Variants in FLVCR1 observed in about 807,000 individuals in gnomAD.
FLVCR1 encodes the protein FLVCR choline and heme transporter 1.
A neutral mutation model predicts 53.6 loss-of-function variants in FLVCR1; 34 were observed. The ratio of observed to expected loss-of-function variants is 0.63; its 90% CI spans 0.48 to 0.84. The LOEUF is 0.84. Ranked by LOEUF, FLVCR1 falls within the 40% of genes least tolerant of loss-of-function variation. The pLI is 0.00. For missense variants in FLVCR1, 677 were observed against 696.7 expected (o/e 0.97, Z 0.32); for synonymous variants, 300 against 286.3 (o/e 1.05, Z -0.48).
chr1:212,894,438 C>A (rs930198354), intron 8 of FLVCR1, among the ~76,000 whole-genome samples: 1 of 152,192 alleles, frequency 6.6e-6, no homozygotes, highest in Non-Finnish European at 1.5e-5. Context: ...CAGGCATGAC[C>A]CACCACGCCC....
At chr1:212,873,177 G>A (rs547007753) in intron 3 of FLVCR1, among the ~76,000 whole-genome samples, 2 of 152,006 alleles carry the variant, frequency 1.3e-5, no homozygotes, top group Non-Finnish European at 2.9e-5. Flanking sequence ...GCTGGGCATG[G>A]TGGCACACGC....
chr1:212,888,474 G>C lies in FLVCR1; in HGVS notation c.1308-15G>C. 1 of 1,572,238 alleles carries C rather than the reference G, an allele frequency of 6.4e-7. No individual in the cohort carries two copies. The highest frequency in any genetic ancestry group is 8.8e-7 in the Non-Finnish European group (1 of 1,142,424). On this transcript the variant is annotated splice_polypyrimidine_tract_variant and intron_variant, in intron 6 of 9. Coordinates refer to ENST00000366971, the MANE Select transcript of FLVCR1 (RefSeq NM_014053.4). ...TCTGGTAGTTCTTTCTGTAATTCTG[G>C]ATTTATTTTCCTAGCTTCTTCATGA...
chr1:212,868,903 C>T (rs1354116412), intron 2 of FLVCR1, among the ~76,000 whole-genome samples: 1 of 152,030 alleles, frequency 6.6e-6, no homozygotes, highest in Non-Finnish European at 1.5e-5. Flanking sequence ...TTGTTATTTA[C>T]ATTTTATCGA....
At chr1:212,894,695 G>A (rs1394525150) in intron 8 of FLVCR1, among the ~76,000 whole-genome samples, 1 of 152,036 alleles carries the variant, frequency 6.6e-6, no homozygotes, top group Non-Finnish European at 1.5e-5. Flanking sequence ...TGTTATACTT[G>A]TTTACATGTC....
In FLVCR1 at chr1:212,895,292, G is replaced by A. The variant is rs1665304280; in HGVS notation, c.*2G>A. On this transcript the variant is annotated 3_prime_UTR_variant, in exon 10 of 10. Transcript: ENST00000366971. ...AAGCAGTCAGAATCAGCAATTTGAA[G>A]AGAAAGGCAAAGTTACTGTCCTGTA... The A allele has an allele frequency of 1.5e-5, 24 of 1,610,922 alleles. No homozygotes were observed. The highest frequency in any genetic ancestry group is 2.0e-5 in the Non-Finnish European group (24 of 1,177,154).
intron 5 of FLVCR1, among the ~76,000 whole-genome samples, chr1:212,887,321 C>G (rs1301302210): frequency 6.6e-6 from 1 of 152,178 alleles, no homozygotes; most frequent in African/African-American, 2.4e-5. Context: ...ACTGTGGCTT[C>G]CTTCTCAGGG....
intron 2 of FLVCR1, chr1:212,864,602 C>T (rs1487524837): frequency 6.6e-6 from 1 of 152,246 alleles, no homozygotes; most frequent in Non-Finnish European, 1.5e-5. Flanking sequence ...AGTAATATAG[C>T]TGCTAGCATA....
At chr1:212,877,337 C>T (rs12136117) in intron 3 of FLVCR1, among the ~76,000 whole-genome samples, 66,546 of 151,380 alleles carry the variant, frequency 0.44, 15,663 homozygotes, top group East Asian at 0.54. Context: ...TACTCCCTCC[C>T]GAGTAGCTGG....
rs1664970128 is a variant in FLVCR1, at chr1:212,883,314, A to G, written c.1025-57A>G. ...AACTGGTAAATGACACACTTTTAGT[A>G]TTCTCTTTATTATTGTAGGTATCAT... On this transcript the variant is annotated intron_variant, in intron 3 of 9. Coordinates refer to ENST00000366971, the MANE Select transcript of FLVCR1 (RefSeq NM_014053.4). The G allele has an allele frequency of 4.3e-6, 4 of 932,074 alleles. No homozygotes were observed. In the East Asian group the frequency reaches 9.9e-5, roughly 23 times the overall value. The allele number at this position is 932,074 out of a possible 1,614,324, so 57.7% of individuals were successfully genotyped here.
intron 3 of FLVCR1, among the ~76,000 whole-genome samples, chr1:212,883,022 T>C (rs1304836709): frequency 1.3e-5 from 2 of 152,206 alleles, no homozygotes. Context: ...TAGTAGTACA[T>C]TGTAGGAATT....
intron 8 of FLVCR1, among the ~76,000 whole-genome samples, chr1:212,892,128 G>A (rs555690280): frequency 3.3e-5 from 5 of 152,364 alleles, no homozygotes; most frequent in Admixed American, 6.5e-5. Flanking sequence ...AAAAGTGCAA[G>A]GTGAAGCAGC....
intron 5 of FLVCR1, among the ~76,000 whole-genome samples, chr1:212,887,082 A>G (rs757947940): frequency 5.3e-5 from 8 of 152,230 alleles, no homozygotes; most frequent in Non-Finnish European, 1.2e-4. Flanking sequence ...TATATTTGAT[A>G]TTATTAGTCT....
chr1:212,870,329 C>T (rs1664560909), intron 2 of FLVCR1, among the ~76,000 whole-genome samples: 1 of 152,154 alleles, frequency 6.6e-6, no homozygotes, highest in Non-Finnish European at 1.5e-5. Context: ...TTTTTAGCAG[C>T]AAACAGGAAA....
At position 212,879,003 on chromosome 1, in the gene FLVCR1, C is replaced by T. The variant is rs536591496; in HGVS notation, c.1025-4368C>T. Among the ~76,000 whole-genome samples the T allele has an allele frequency of 2.0e-5, 3 of 151,658 alleles. No homozygotes were observed. In the East Asian group the frequency reaches 5.8e-4, roughly 29 times the overall value. On this transcript the variant is annotated intron_variant, in intron 3 of 9. Transcript: ENST00000366971. ...GATCCTGTCTCAAAAAAAAAAAGACCTAAATAATTTATTTTTTCTCCAGCC... is the reference window on the plus strand; with the variant it reads ...GATCCTGTCTCAAAAAAAAAAAGACTTAAATAATTTATTTTTTCTCCAGCC...
intron 3 of FLVCR1, among the ~76,000 whole-genome samples, chr1:212,874,029 C>T (rs1224839773): frequency 3.9e-5 from 6 of 152,024 alleles, no homozygotes; most frequent in Non-Finnish European, 7.4e-5. Context: ...TTTTTTAAGA[C>T]GGAGTTTTGC....
chr1:212,888,503 G>T lies in FLVCR1; in HGVS notation c.1322G>T (p.Gly441Val). ...TGGVLGFFMT[G>V]YLPLGFEFAV... Reference sequence around the variant, plus strand: ...TATTTTCCTAGCTTCTTCATGACTGGTTACCTCCCTTTGGGTTTTGAATTT... The same window carrying T: ...TATTTTCCTAGCTTCTTCATGACTGTTTACCTCCCTTTGGGTTTTGAATTT... The change falls in exon 7 of 10, where the codon GGT (glycine) becomes GTT (valine). Residue 441 changes from glycine (G) to valine (V), a missense_variant. Physicochemically the swap from Gly to Val is moderately radical, Grantham distance 109. Coordinates refer to ENST00000366971, the MANE Select transcript of FLVCR1 (RefSeq NM_014053.4). 1 of 1,612,726 alleles carries T rather than the reference G, an allele frequency of 6.2e-7. No individual in the cohort carries two copies. The highest frequency in any genetic ancestry group is 8.5e-7 in the Non-Finnish European group (1 of 1,178,926).
chr1:212,868,632 C>T (rs1664514497), intron 2 of FLVCR1, among the ~76,000 whole-genome samples: 1 of 151,568 alleles, frequency 6.6e-6, no homozygotes, highest in Non-Finnish European at 1.5e-5. Flanking sequence ...TGGATTCAAA[C>T]TCCTGACCTC....
chr1:212,875,066 G>A (rs1664718298), intron 3 of FLVCR1, among the ~76,000 whole-genome samples: 1 of 152,066 alleles, frequency 6.6e-6, no homozygotes. Flanking sequence ...CTTAATGTTT[G>A]CCTCACTTAT....
At position 212,896,302 on chromosome 1, in the gene FLVCR1, A is replaced by G. The variant is rs1665334438; in HGVS notation, c.*1012A>G. 6.6e-6 allele frequency: 1 copy of G among 151,968 alleles called. No individual in the cohort carries two copies. Among genetic ancestry groups the G allele is most frequent in the Non-Finnish European group, 1.5e-5 (1 of 67,984 alleles). 9.4% of individuals were successfully genotyped at this position (151,968 alleles called of 1,614,324 possible). A position where few individuals can be genotyped will look rare whatever the true frequency, so the allele number is the denominator to read the frequency against. On this transcript the variant is annotated 3_prime_UTR_variant, in exon 10 of 10. Transcript: ENST00000366971. ...GCCTACATGTCCCCATTTAGTGGAG[A>G]CCTCTTGAATGCTATTTGAATTCTG...
Sources: gnomAD v4.1 joint callset for allele counts (sites outside exome capture counted in the v4.1 genomes callset) on GRCh38, gnomAD v4.1.1 for gene constraint, MANE v1.5 for transcripts, NCBI Gene and HGNC (gene_info 2026-07-23, HGNC 2026-07-21) for gene names.